EPHA6: variants seen among roughly 807,000 people sequenced by gnomAD.
The protein encoded by EPHA6 is EPH receptor A6.
Under a neutral mutation model 112.0 loss-of-function variants are expected in EPHA6, and 50 were observed. That is an observed-to-expected ratio of 0.45 (90% CI 0.36 to 0.56). The LOEUF (loss-of-function observed/expected upper bound fraction) is 0.56, where lower values mean the gene tolerates loss of function less well. Among genes scored for constraint, EPHA6 ranks in the 20% least tolerant of loss-of-function variants. EPHA6 has a pLI of 0.00. For missense variants in EPHA6, 1,280 were observed against 1,417.4 expected, an observed-to-expected ratio of 0.90 and a Z score of 1.56; for synonymous variants, 529 against 490.7, an observed-to-expected ratio of 1.08 and a Z score of -1.03.
intron 3 of EPHA6, among the ~76,000 whole-genome samples, chr3:97,157,317 A>G (rs1290017864): frequency 6.6e-6 from 1 of 152,098 alleles, no homozygotes; most frequent in East Asian, 1.9e-4. Flanking sequence ...TCCAGATATT[A>G]TCTGTTTTAA....
At position 97,245,023 on chromosome 3, in the gene EPHA6, T is replaced by G. The variant is rs571461059; in HGVS notation, c.1606+736T>G. Among the ~76,000 whole-genome samples the G allele has an allele frequency of 4.6e-5, 7 of 152,132 alleles. No homozygotes were observed. In the South Asian group the frequency reaches 1.2e-3, roughly 27 times the overall value. ...TTTTAAAACTCCTTTCGAGAAGTGT[T>G]CATAAATTATATGGGCACACAAGTT... On this transcript the variant is annotated intron_variant, in intron 5 of 17. Coordinates refer to ENST00000389672, the MANE Select transcript of EPHA6 (RefSeq NM_001080448.3).
At chr3:97,085,347 T>C (rs1246942700) in intron 3 of EPHA6, among the ~76,000 whole-genome samples, 4 of 152,008 alleles carry the variant, frequency 2.6e-5, no homozygotes, top group Non-Finnish European at 5.9e-5. Context: ...AGTGAAGAGG[T>C]TGAAGAATTT....
intron 3 of EPHA6, among the ~76,000 whole-genome samples, 192 bp downstream of exon 3, chr3:96,988,185 A>G (rs1039453672): frequency 2.6e-5 from 4 of 152,180 alleles, no homozygotes; most frequent in African/African-American, 9.6e-5. Context: ...TTTCAAAATG[A>G]CGATTTATTA....
chr3:96,865,495 A>G (rs2036251524), intron 1 of EPHA6, among the ~76,000 whole-genome samples: 1 of 151,948 alleles, frequency 6.6e-6, no homozygotes, highest in South Asian at 2.1e-4. Context: ...CTGTCTGCAT[A>G]GCATAGTAAG....
At chr3:97,439,016 A>G (rs764196173) in intron 6 of EPHA6, among the ~76,000 whole-genome samples, 11 of 152,288 alleles carry the variant, frequency 7.2e-5, no homozygotes, top group South Asian at 2.1e-4. Flanking sequence ...TATATATGTT[A>G]TCTATTTTAT....
At chr3:97,485,722 T>C (rs995681541) in intron 10 of EPHA6, among the ~76,000 whole-genome samples, 2 of 152,210 alleles carry the variant, frequency 1.3e-5, no homozygotes, top group Non-Finnish European at 2.9e-5. Context: ...TTGAATTATA[T>C]TCATTTAGCT....
At chr3:97,434,363 T>A (rs1040848205) in intron 6 of EPHA6, among the ~76,000 whole-genome samples, 1 of 152,146 alleles carries the variant, frequency 6.6e-6, no homozygotes, top group African/African-American at 2.4e-5. Context: ...GTAAGCAGTA[T>A]GAAAGTGTTC....
chr3:97,585,159 A>G (rs945635380), intron 11 of EPHA6, among the ~76,000 whole-genome samples: 17 of 152,228 alleles, frequency 1.1e-4, no homozygotes, highest in Non-Finnish European at 1.8e-4. Flanking sequence ...CGAATGGAAT[A>G]AAAATTATGT....
chr3:97,480,848 C>T lies in EPHA6; in HGVS notation c.2074+1484C>T, dbSNP rs776773301. 3.1e-4 allele frequency among the ~76,000 whole-genome samples: 47 copies of T among 151,048 alleles called. 1 individual carries two copies. The highest frequency in any genetic ancestry group is 5.3e-4 in the Admixed American group (8 of 15,206). ...CTCCTCACTTCTCAGATGGGGCGGC[C>T]GGGCAGAGGCGCTCCTCATATCCCA... On this transcript the variant is annotated intron_variant, in intron 9 of 17. Coordinates refer to ENST00000389672, the MANE Select transcript of EPHA6 (RefSeq NM_001080448.3).
intron 11 of EPHA6, among the ~76,000 whole-genome samples, chr3:97,550,936 A>C (rs2093021297): frequency 6.6e-6 from 1 of 152,142 alleles, no homozygotes; most frequent in South Asian, 2.1e-4. Context: ...AAAGGAAAGA[A>C]GGAACCTAAT....
chr3:96,815,809 C>T (rs1408064611), intron 1 of EPHA6, among the ~76,000 whole-genome samples: 1 of 152,086 alleles, frequency 6.6e-6, no homozygotes, highest in Non-Finnish European at 1.5e-5. Flanking sequence ...AAATATATCT[C>T]CTTGTATTTC....
chr3:96,903,869 C>T (rs2038762765), intron 2 of EPHA6, among the ~76,000 whole-genome samples: 1 of 152,142 alleles, frequency 6.6e-6, no homozygotes, highest in South Asian at 2.1e-4. Context: ...CTCATCATCA[C>T]TGGCCATCAG....
At chr3:97,474,096 A>G (rs184779436) in intron 7 of EPHA6, among the ~76,000 whole-genome samples, 46 of 151,920 alleles carry the variant, frequency 3.0e-4, no homozygotes, top group African/African-American at 1.1e-3. Context: ...ATTCTGTTGT[A>G]GATATGTCAT....
intron 8 of EPHA6, among the ~76,000 whole-genome samples, chr3:97,478,264 C>T (rs749825817): frequency 6.6e-6 from 1 of 152,048 alleles, no homozygotes; most frequent in Non-Finnish European, 1.5e-5. Context: ...ATAGCACATA[C>T]ACATGTGGCA....
At chr3:96,998,588 G>A (rs891781951) in intron 3 of EPHA6, among the ~76,000 whole-genome samples, 1 of 151,854 alleles carries the variant, frequency 6.6e-6, no homozygotes, top group African/African-American at 2.4e-5. Flanking sequence ...CCCCGTCTAT[G>A]AGAATCTATT....
At chr3:96,877,354 T>C (rs2037027875) in intron 2 of EPHA6, among the ~76,000 whole-genome samples, 2 of 152,102 alleles carry the variant, frequency 1.3e-5, no homozygotes. Context: ...AATGGAAAGA[T>C]ATTGACCTAC....
chr3:97,171,990 GAGGT>G (rs2076715769), intron 3 of EPHA6, among the ~76,000 whole-genome samples: 1 of 152,076 alleles, frequency 6.6e-6, no homozygotes, highest in Non-Finnish European at 1.5e-5. Context: ...ATTCAATACT[GAGGT>G]AGAGTATTGA....
At chr3:97,427,619 C>G (rs1021853670) in intron 6 of EPHA6, among the ~76,000 whole-genome samples, 2 of 151,644 alleles carry the variant, frequency 1.3e-5, no homozygotes, top group Non-Finnish European at 2.9e-5. Flanking sequence ...ATTAAATAAT[C>G]TGTACAACAA....
chr3:97,522,936 C>T (rs1007198775), intron 10 of EPHA6, among the ~76,000 whole-genome samples: 2 of 151,824 alleles, frequency 1.3e-5, no homozygotes, highest in Admixed American at 6.6e-5. Flanking sequence ...CTTAGTTGGT[C>T]TGGTCTGGCA....
Sources: gnomAD v4.1 joint callset for allele counts (sites outside exome capture counted in the v4.1 genomes callset) on GRCh38, gnomAD v4.1.1 for gene constraint, MANE v1.5 for transcripts, NCBI Gene and HGNC (gene_info 2026-07-23, HGNC 2026-07-21) for gene names.